Variants in RTN3 observed in about 807,000 individuals in gnomAD.
The protein encoded by RTN3 is reticulon-3.
Under a neutral mutation model 77.8 loss-of-function variants are expected in RTN3, and 49 were observed. That is an observed-to-expected ratio of 0.63 (90% CI 0.50 to 0.80). The LOEUF is 0.80. Among genes scored for constraint, RTN3 ranks in the 30% least tolerant of loss-of-function variants. The probability of loss-of-function intolerance (pLI) is 0.00; values close to 1 mark genes in which losing one functional copy is unlikely to be tolerated. For synonymous variants in RTN3, 464 were observed against 446.9 expected (o/e 1.04, Z -0.48); for missense variants, 1,236 against 1,211.9 (o/e 1.02, Z -0.29).
chr11:63,694,880 G>GGTGCA (rs2134664842), intron 1 of RTN3, among the ~76,000 whole-genome samples: 1 of 152,298 alleles, frequency 6.6e-6, no homozygotes, highest in South Asian at 2.1e-4. Flanking sequence ...TCTAATAAAT[G>GGTGCA]GTGCAAAGAA....
chr11:63,725,169 A>C (rs2012152699), intron 3 of RTN3, among the ~76,000 whole-genome samples: 1 of 152,136 alleles, frequency 6.6e-6, no homozygotes, highest in Non-Finnish European at 1.5e-5. Context: ...TGGACCTGGT[A>C]CATCCTTCCA....
intron 3 of RTN3, 109 bp downstream of exon 3, chr11:63,721,141 A>G (rs1565323810): frequency 1.0e-6 from 1 of 962,742 alleles, no homozygotes; most frequent in Non-Finnish European, 1.5e-6. Context: ...TGGCTAAAAT[A>G]CAAAAACAAT....
intron 3 of RTN3, among the ~76,000 whole-genome samples, chr11:63,738,419 T>A (rs1464747706): frequency 1.3e-5 from 2 of 152,200 alleles, no homozygotes; most frequent in East Asian, 3.9e-4. Context: ...GAGGGCAGAT[T>A]GCTTGAGCCC....
chr11:63,717,177 CAAAT>C (rs886377232), intron 2 of RTN3, among the ~76,000 whole-genome samples: 3 of 151,496 alleles, frequency 2.0e-5, no homozygotes, highest in Admixed American at 6.6e-5. Context: ...TACAAACAAA[CAAAT>C]AAATGAAGTA....
At chr11:63,742,353 A>T (rs1478147663) in intron 3 of RTN3, among the ~76,000 whole-genome samples, 3 of 151,034 alleles carry the variant, frequency 2.0e-5, no homozygotes, top group Non-Finnish European at 4.4e-5. Flanking sequence ...ACAAAAACCT[A>T]CTAGGATTGT....
In RTN3 at chr11:63,750,040, T is replaced by C. The variant is rs777758800; in HGVS notation, c.2580T>C (p.Phe860=). 3 of 1,613,982 alleles carry C rather than the reference T, an allele frequency of 1.9e-6. No homozygotes were observed. Among genetic ancestry groups the C allele is most frequent in the Non-Finnish European group, 2.5e-6 (3 of 1,179,858 alleles). The change falls in exon 4 of 9, where the codon TTT becomes TTC. Residue 860 remains phenylalanine, a synonymous_variant. Transcript: ENST00000377819. ...ATGTGAAGAAGACTGGGTTTGTCTT[T>C]GGCACCACGCTGATCATGCTGCTTT... ...WRDVKKTGFV[F]GTTLIMLLSL...
At chr11:63,688,499 G>A (rs1007208332) in intron 1 of RTN3, among the ~76,000 whole-genome samples, 5 of 152,132 alleles carry the variant, frequency 3.3e-5, no homozygotes, top group African/African-American at 1.2e-4. Flanking sequence ...TGGGATTACA[G>A]GCGTGAGCCA....
At chr11:63,702,741 A>G (rs1453050907) in intron 1 of RTN3, among the ~76,000 whole-genome samples, 1 of 150,578 alleles carries the variant, frequency 6.6e-6, no homozygotes, top group Non-Finnish European at 1.5e-5. Flanking sequence ...GCTGGAGTGC[A>G]ATGGCGTGAT....
rs535938033 is a variant in RTN3 at position 63,731,373 on chromosome 11, C to A, written c.2530+10341C>A. On this transcript the variant is annotated intron_variant, in intron 3 of 8. Coordinates refer to ENST00000377819, the MANE Select transcript of RTN3 (RefSeq NM_001265589.2). ...GGGATTATAGATGTGAGCCACTGTG[C>A]CTGGCCAAATTTCAAAGGATTTAAA... Among the ~76,000 whole-genome samples the A allele has an allele frequency of 9.2e-5, 14 of 152,228 alleles. No homozygotes were observed. The South Asian group carries it at 2.9e-3, about 32-fold the overall frequency.
intron 3 of RTN3, among the ~76,000 whole-genome samples, chr11:63,738,352 T>A (rs930283656): frequency 3.3e-5 from 5 of 152,072 alleles, no homozygotes; most frequent in African/African-American, 1.2e-4. Context: ...TCTTAAAAAA[T>A]GAAGTGGCTG....
chr11:63,744,232 C>T (rs2013660784), intron 3 of RTN3, among the ~76,000 whole-genome samples: 1 of 75,984 alleles, frequency 1.3e-5, no homozygotes, highest in Non-Finnish European at 2.2e-5. Flanking sequence ...CAGAGCAAGA[C>T]TCTGTCTCAA....
Position 63,720,459 on chromosome 11 carries a change from G to A in RTN3, c.1957G>A (p.Asp653Asn). 3 of 1,613,368 alleles carry A rather than the reference G, an allele frequency of 1.9e-6. No individual in the cohort carries two copies. Among genetic ancestry groups the A allele is most frequent in the Admixed American group, 1.7e-5 (1 of 59,928 alleles). The change falls in exon 3 of 9, where the codon GAC becomes AAC. Residue 653 changes from aspartate (D) to asparagine (N), a missense_variant. Coordinates refer to ENST00000377819, the MANE Select transcript of RTN3 (RefSeq NM_001265589.2). The stretch of plus-strand genomic sequence containing the variant: ...ACATATAGATGATTCCTCCCCAGAG[G>A]ACCTGATAGCAGCCTTTACAGAAAC... ...VKHIDDSSPE[D>N]LIAAFTETRD...
At chr11:63,757,180 A>G (rs1286389500) in intron 8 of RTN3, among the ~76,000 whole-genome samples, 1 of 152,250 alleles carries the variant, frequency 6.6e-6, no homozygotes, top group Non-Finnish European at 1.5e-5. Context: ...TGTCTTTTCT[A>G]AGATTGCCAA....
At chr11:63,749,002 C>T (rs2013959719) in intron 3 of RTN3, among the ~76,000 whole-genome samples, 1 of 150,902 alleles carries the variant, frequency 6.6e-6, no homozygotes, top group Admixed American at 6.6e-5. Context: ...TGCAGCTTGG[C>T]CAGGCATGGT....
chr11:63,687,845 T>C (rs1403751968), intron 1 of RTN3, among the ~76,000 whole-genome samples: 2 of 152,222 alleles, frequency 1.3e-5, no homozygotes, highest in Admixed American at 6.5e-5. Context: ...GCAGTTCAAG[T>C]ACAAATGAGA....
chr11:63,685,346 A>C (rs1941308553), intron 1 of RTN3, among the ~76,000 whole-genome samples: 1 of 151,476 alleles, frequency 6.6e-6, no homozygotes, highest in East Asian at 2.0e-4. Context: ...AAATACAAAA[A>C]TTAGCCGGGC....
intron 1 of RTN3, among the ~76,000 whole-genome samples, chr11:63,695,287 A>AT (rs1941881553): frequency 6.6e-6 from 1 of 152,080 alleles, no homozygotes; most frequent in Admixed American, 6.6e-5. Flanking sequence ...GATATTAATA[A>AT]TTTTTTTCTT....
intron 3 of RTN3, among the ~76,000 whole-genome samples, chr11:63,729,792 A>AAT (rs900007585): frequency 4.0e-5 from 6 of 150,466 alleles, no homozygotes; most frequent in South Asian, 2.1e-4. Flanking sequence ...TGGTACTATA[A>AAT]ATATATATAT....
At chr11:63,713,072 G>A (rs1329114579) in intron 2 of RTN3, among the ~76,000 whole-genome samples, 1 of 152,042 alleles carries the variant, frequency 6.6e-6, no homozygotes, top group Non-Finnish European at 1.5e-5. Context: ...TCCAGCCTGG[G>A]CAAAAAGAGT....
Sources: allele counts gnomAD v4.1 joint callset (sites outside exome capture counted in the v4.1 genomes callset), GRCh38; gene constraint gnomAD v4.1.1; transcripts MANE v1.5; gene names NCBI Gene and HGNC (gene_info 2026-07-23, HGNC 2026-07-21).